The following PCNX3 variants were observed in gnomAD, a reference collection of about 807,000 sequenced individuals.
PCNX3 encodes pecanex-like protein 3.
Under a neutral mutation model 207.2 loss-of-function variants are expected in PCNX3, and 58 were observed. That is an observed-to-expected ratio of 0.28 (90% CI 0.23 to 0.35). The LOEUF (loss-of-function observed/expected upper bound fraction) is 0.35. Among genes scored for constraint, PCNX3 ranks in the 10% least tolerant of loss-of-function variants. PCNX3 has a pLI of 1.00. For synonymous variants in PCNX3, 1,337 were observed against 1,183.5 expected (o/e 1.13, Z -2.66); for missense variants, 2,410 against 2,774.4 (o/e 0.87, Z 2.95).
rs773432419 is a variant in PCNX3 at position 65,625,950 on chromosome 11, T to G, written c.3275T>G (p.Phe1092Cys). 1.9e-6 allele frequency: 3 copies of G among 1,613,870 alleles called. No homozygotes were observed. The highest frequency in any genetic ancestry group is 1.1e-5 in the South Asian group (1 of 91,080). ...VLYALAGAVG[F>C]FTHYLLPQLR... The stretch of plus-strand genomic sequence containing the variant: ...TACGCACTGGCTGGGGCCGTGGGCT[T>G]CTTCACACATTACCTGCTGCCACAA... Residue 1092 changes from phenylalanine to cysteine, a missense_variant, in exon 20 of 35, where the codon TTC (phenylalanine) becomes TGC (cysteine). Coordinates refer to ENST00000355703, the MANE Select transcript of PCNX3 (RefSeq NM_032223.4). This position sits in a 1 kb window ranked among gnomAD's most constrained non-coding sequence, Gnocchi z 5.6.
rs1855787089 is a variant in PCNX3 at position 65,635,352 on chromosome 11, C to T, written c.5088C>T (p.Pro1696=). The T allele has an allele frequency of 2.5e-6, 4 of 1,611,054 alleles. No individual in the cohort carries two copies. The highest frequency in any genetic ancestry group is 3.4e-6 in the Non-Finnish European group (4 of 1,179,164). Residue 1696 remains proline (P), a synonymous_variant, in exon 31 of 35, where the codon CCC becomes CCT. Coordinates refer to ENST00000355703, the MANE Select transcript of PCNX3 (RefSeq NM_032223.4). The surrounding 1 kb of genome is among the most constrained non-coding windows in gnomAD (Gnocchi z 9.9). ...AWRSAILSNT[P]SLLALRHVLD... ...GCAGCGCCATCCTCAGCAACACGCCCTCCCTGCTGGCGCTGCGCCATGTCC... is the reference window on the plus strand; with the variant it reads ...GCAGCGCCATCCTCAGCAACACGCCTTCCCTGCTGGCGCTGCGCCATGTCC...
In PCNX3 at chr11:65,637,003, C is replaced by G; in HGVS notation, c.*25C>G. The stretch of plus-strand genomic sequence containing the variant: ...AGCTACCTGGCGCCCACTGGACCAC[C>G]TCCTAGGATTCAGTAACGGACCTGC... On this transcript the variant is annotated 3_prime_UTR_variant, in exon 35 of 35. Coordinates refer to ENST00000355703, the MANE Select transcript of PCNX3 (RefSeq NM_032223.4). The G allele has an allele frequency of 2.6e-6, 4 of 1,552,686 alleles. No homozygotes were observed. The highest frequency in any genetic ancestry group is 3.5e-6 in the Non-Finnish European group (4 of 1,152,250).
At position 65,628,580 on chromosome 11, in the gene PCNX3, T is replaced by C. The variant is rs757933077; in HGVS notation, c.3703-15T>C. On this transcript the variant is annotated splice_polypyrimidine_tract_variant and intron_variant, in intron 22 of 34. Transcript: ENST00000355703. ...CCCTGCATGTCTTTTTTCTTCTCCC[T>C]GTTGGCCCTGCCAGCTGTGGGACTT... The C allele has an allele frequency of 1.8e-5, 29 of 1,611,606 alleles. 1 individual carries two copies. The South Asian group carries it at 2.7e-4, about 15-fold the overall frequency.
rs774385917 is a variant in PCNX3 at position 65,627,582 on chromosome 11, G to A, written c.3702G>A (p.Lys1234=). Residue 1234 remains lysine, a splice_region_variant and synonymous_variant, in exon 22 of 35, where the codon AAG becomes AAA. Transcript: ENST00000355703. The part of the protein sequence containing the change: ...DYFLMSLLCS[K]LWDLLYKLRF... ...TCCTCATGTCCCTGCTTTGCAGCAAGGTGAGTTGGTGGCTGTGGCCCAGAC... is the reference window on the plus strand; with the variant it reads ...TCCTCATGTCCCTGCTTTGCAGCAAAGTGAGTTGGTGGCTGTGGCCCAGAC... 6.2e-7 allele frequency: 1 copy of A among 1,613,738 alleles called. No individual in the cohort carries two copies. Among genetic ancestry groups the A allele is most frequent in the Admixed American group, 1.7e-5 (1 of 60,016 alleles).
chr11:65,631,088 G>T (rs1271433822), intron 27 of PCNX3, among the ~76,000 whole-genome samples: 2 of 152,232 alleles, frequency 1.3e-5, no homozygotes, highest in African/African-American at 4.8e-5. Context: ...AAGTTGGCTT[G>T]CAGAGGTTCC....
At position 65,619,496 on chromosome 11, in the gene PCNX3, G is replaced by A. The variant is rs1854956555; in HGVS notation, c.1706-41G>A. ...CAACCTTACTCCCCCAGCCTTGTCT[G>A]AGCATCTGTCACTTACACTTGGGGG... On this transcript the variant is annotated intron_variant, in intron 6 of 34. Transcript: ENST00000355703. 3 of 1,602,204 alleles carry A rather than the reference G, an allele frequency of 1.9e-6. 1 individual carries two copies. Among genetic ancestry groups the A allele is most frequent in the Non-Finnish European group, 8.5e-7 (1 of 1,174,054 alleles).
In PCNX3 at chr11:65,617,721, T is replaced by C. The variant is rs752840728; in HGVS notation, c.577+15T>C. 3 of 1,553,784 alleles carry C rather than the reference T, an allele frequency of 1.9e-6. No individual in the cohort carries two copies. Among genetic ancestry groups the C allele is most frequent in the Admixed American group, 3.9e-5 (2 of 51,196 alleles). On this transcript the variant is annotated intron_variant, in intron 5 of 34. Transcript: ENST00000355703. ...GGAGAAACTGAGTGCGTGGGCCTTA[T>C]GGGGCCGAGGCTTGTGGGCTAGACC... is the stretch of plus-strand genomic sequence containing the variant.
At chr11:65,626,524 A>G (rs1855400090) in intron 20 of PCNX3, 1 of 411,632 alleles carries the variant, frequency 2.4e-6, no homozygotes. Context: ...TTTGCTTCCC[A>G]GACTAGCATC....
chr11:65,624,884 C>T, intron 15 of PCNX3, 41 bp from the exon 16 acceptor site: 1 of 1,567,958 alleles, frequency 6.4e-7, no homozygotes, highest in South Asian at 1.1e-5. Flanking sequence ...GGTGGGGTAC[C>T]TGCAAGTGAG....
intron 2 of PCNX3, 62 bp downstream of exon 2, chr11:65,617,073 C>T (rs994033088): frequency 1.3e-6 from 2 of 1,504,390 alleles, no homozygotes; most frequent in Non-Finnish European, 1.8e-6. Flanking sequence ...CGGAACCTTG[C>T]AGGGTGGAGT....
chr11:65,619,588 A>G lies in PCNX3; in HGVS notation c.1757A>G (p.Gln586Arg). The change falls in exon 7 of 35, where the codon CAG (glutamine) becomes CGG (arginine). Residue 586 changes from glutamine (Q) to arginine (R), a missense_variant. Gln to Arg is a conservative substitution (Grantham distance 43). Transcript: ENST00000355703. ...CGCTCAAGCAGTGTGAGGCGGACCC[A>G]GGCCATTCGGAGACGCCACAATGCA... ...RDRSSSVRRTQAIRRRHNAGS... is the reference protein window; with the variant it reads ...RDRSSSVRRTRAIRRRHNAGS... 6.2e-7 allele frequency: 1 copy of G among 1,608,524 alleles called. No homozygotes were observed. Among genetic ancestry groups the G allele is most frequent in the Non-Finnish European group, 8.5e-7 (1 of 1,179,146 alleles).
chr11:65,616,000 A>T lies in PCNX3; in HGVS notation c.-312A>T. The T allele has an allele frequency of 9.8e-6, 2 of 204,092 alleles. No homozygotes were observed. The highest frequency in any genetic ancestry group is 1.9e-5 in the Non-Finnish European group (2 of 102,570). 12.6% of individuals were successfully genotyped at this position (204,092 alleles called of 1,614,324 possible). A position where few individuals can be genotyped will look rare whatever the true frequency, so the allele number is the denominator to read the frequency against. ...CCACCTCTGGATGCCGCCGACGGGT[A>T]CCCGGCCCGTGCCCCGCGCCTGCCT... On this transcript the variant is annotated 5_prime_UTR_variant, in exon 1 of 35. Transcript: ENST00000355703.
intron 22 of PCNX3, among the ~76,000 whole-genome samples, chr11:65,628,342 T>G (rs894785751): frequency 1.3e-5 from 2 of 152,146 alleles, no homozygotes; most frequent in African/African-American, 2.4e-5. Flanking sequence ...GGGCCAGCAA[T>G]AGGAATAAGA....
At chr11:65,622,472 C>T (rs965715301) in intron 11 of PCNX3, 106 bp downstream of exon 11, 148 of 1,357,296 alleles carry the variant, frequency 1.1e-4, no homozygotes, top group South Asian at 5.1e-4. Flanking sequence ...GAGCCTGACT[C>T]GGGGGAAGCT....
At position 65,625,120 on chromosome 11, in the gene PCNX3, G is replaced by C. The variant is rs894807447; in HGVS notation, c.2920-51G>C. 1.3e-6 allele frequency: 2 copies of C among 1,556,210 alleles called. No homozygotes were observed. Among genetic ancestry groups the C allele is most frequent in the East Asian group, 2.3e-5 (1 of 43,734 alleles). On this transcript the variant is annotated intron_variant, in intron 16 of 34. Transcript: ENST00000355703. The surrounding 1 kb of genome is among the most constrained non-coding windows in gnomAD (Gnocchi z 5.6). Reference sequence around the variant, plus strand: ...GTGGCTTCTCACACGGGGGCAGCCCGGGCCCCATGCTTACCTCACCTCCCC... The same window carrying C: ...GTGGCTTCTCACACGGGGGCAGCCCCGGCCCCATGCTTACCTCACCTCCCC...
At position 65,617,599 on chromosome 11, in the gene PCNX3, C is replaced by T; in HGVS notation, c.482-12C>T. ...GGGGGTCCTGCTGACACCTCTGGGG[C>T]CATGGTTGCAGACATCAAGGAGCTG... On this transcript the variant is annotated splice_polypyrimidine_tract_variant and intron_variant, in intron 4 of 34. Coordinates refer to ENST00000355703, the MANE Select transcript of PCNX3 (RefSeq NM_032223.4). 1 of 1,612,792 alleles carries T rather than the reference C, an allele frequency of 6.2e-7. No homozygotes were observed. Among genetic ancestry groups the T allele is most frequent in the Non-Finnish European group, 8.5e-7 (1 of 1,179,422 alleles).
At position 65,625,099 on chromosome 11, in the gene PCNX3, C is replaced by G; in HGVS notation, c.2920-72C>G. On this transcript the variant is annotated intron_variant, in intron 16 of 34. Coordinates refer to ENST00000355703, the MANE Select transcript of PCNX3 (RefSeq NM_032223.4). The surrounding 1 kb of genome is among the most constrained non-coding windows in gnomAD (Gnocchi z 5.6). ...GGCTGTGAACTGGGCTCAGCAGTGG[C>G]TTCTCACACGGGGGCAGCCCGGGCC... 6.4e-6 allele frequency: 10 copies of G among 1,553,030 alleles called. No homozygotes were observed. The highest frequency in any genetic ancestry group is 7.9e-6 in the Non-Finnish European group (9 of 1,138,718).
chr11:65,621,356 T>C (rs2135422322), intron 10 of PCNX3, among the ~76,000 whole-genome samples: 1 of 152,202 alleles, frequency 6.6e-6, no homozygotes, highest in East Asian at 1.9e-4. Context: ...GTGCTCTCTG[T>C]TAACACTTCC....
chr11:65,621,962 TG>T (rs1855127004), intron 10 of PCNX3, among the ~76,000 whole-genome samples: 2 of 152,152 alleles, frequency 1.3e-5, no homozygotes, highest in Admixed American at 6.5e-5. Context: ...TTTGCCTGAC[TG>T]GGGAAGACAG....
Sources: allele counts gnomAD v4.1 joint callset (sites outside exome capture counted in the v4.1 genomes callset), GRCh38; gene constraint gnomAD v4.1.1; non-coding constraint Gnocchi (gnomAD v3.1); transcripts MANE v1.5; gene names NCBI Gene and HGNC (gene_info 2026-07-23, HGNC 2026-07-21).